Variants in RAVER2 observed in about 807,000 individuals in gnomAD.
The protein encoded by RAVER2 is ribonucleoprotein, PTB binding 2.
Under a neutral mutation model 78.1 loss-of-function variants are expected in RAVER2, and 46 were observed. That is an observed-to-expected ratio of 0.59 (90% confidence interval 0.46 to 0.75). The LOEUF (loss-of-function observed/expected upper bound fraction) is 0.75. Among genes scored for constraint, RAVER2 ranks in the 30% least tolerant of loss-of-function variants. RAVER2 has a pLI of 0.00. For missense variants in RAVER2, 793 were observed against 837.5 expected, an observed-to-expected ratio of 0.95 and a Z score of 0.66; for synonymous variants, 311 against 313.3, an observed-to-expected ratio of 0.99 and a Z score of 0.08.
chr1:64,814,827 G>A (rs777718258), exon 11 of RAVER2: 2 of 1,576,862 alleles, frequency 1.3e-6, no homozygotes, highest in South Asian at 2.4e-5. Flanking sequence ...CCACCTTTTG[G>A]TGATTATGCA....
intron 4 of RAVER2, among the ~76,000 whole-genome samples, chr1:64,788,954 C>T (rs1023845859): frequency 3.9e-5 from 6 of 152,186 alleles, no homozygotes; most frequent in Non-Finnish European, 8.8e-5. Context: ...AGTGATCCTC[C>T]TGCCTCAGCC....
chr1:64,759,091 T>C (rs1651937083), intron 1 of RAVER2, among the ~76,000 whole-genome samples: 1 of 151,896 alleles, frequency 6.6e-6, no homozygotes. Flanking sequence ...TGTTAATTAA[T>C]TTGAGCTATG....
intron 11 of RAVER2, among the ~76,000 whole-genome samples, chr1:64,819,684 C>T (rs1348213148): frequency 6.6e-6 from 1 of 152,186 alleles, no homozygotes; most frequent in African/African-American, 2.4e-5. Context: ...TACCTAGGCA[C>T]ATTATAATTA....
At chr1:64,770,440 A>C (rs1427258458) in intron 2 of RAVER2, among the ~76,000 whole-genome samples, 1 of 152,038 alleles carries the variant, frequency 6.6e-6, no homozygotes, top group African/African-American at 2.4e-5. Flanking sequence ...AGAACGGATC[A>C]AAGTGCTTCC....
intron 1 of RAVER2, among the ~76,000 whole-genome samples, chr1:64,764,867 A>G (rs2100818726): frequency 6.6e-6 from 1 of 152,336 alleles, no homozygotes; most frequent in South Asian, 2.1e-4. Flanking sequence ...CCCCAACATT[A>G]TATAAGATAA....
chr1:64,805,249 T>A, intron 8 of RAVER2, 144 bp downstream of exon 8: 1 of 701,288 alleles, frequency 1.4e-6, no homozygotes, highest in Non-Finnish European at 2.3e-6. Flanking sequence ...CCCTCTTGGC[T>A]TTTCGATTTT....
rs558688878 is a variant in RAVER2, at chr1:64,826,666, T to G, written c.1930-4173T>G. 3.4e-4 allele frequency among the ~76,000 whole-genome samples: 52 copies of G among 152,160 alleles called. 1 individual carries two copies. In the Middle Eastern group the frequency reaches 0.017, roughly 50 times the overall value. On this transcript the variant is annotated intron_variant, in intron 11 of 11. Transcript: ENST00000294428. ...TAGAAAGCCACTGGGATGCTTTGAG[T>G]AGAGGGATAATTGACTGTATTTATA...
At chr1:64,826,193 A>AG (rs1653999653) in intron 11 of RAVER2, among the ~76,000 whole-genome samples, 1 of 152,272 alleles carries the variant, frequency 6.6e-6, no homozygotes, top group African/African-American at 2.4e-5. Flanking sequence ...TCTAGGCACT[A>AG]GGGATATGGC....
At chr1:64,799,046 A>G (rs962736888) in intron 5 of RAVER2, among the ~76,000 whole-genome samples, 3 of 152,176 alleles carry the variant, frequency 2.0e-5, no homozygotes, top group Non-Finnish European at 4.4e-5. Context: ...CTATCTAGCT[A>G]TAGTTTTGTA....
intron 4 of RAVER2, among the ~76,000 whole-genome samples, chr1:64,782,839 G>A (rs574638471): frequency 3.9e-5 from 6 of 152,192 alleles, no homozygotes; most frequent in East Asian, 3.9e-4. Flanking sequence ...CCATCAACTC[G>A]TCATTACACT....
intron 4 of RAVER2, 55 bp downstream of exon 4, chr1:64,781,626 A>G (rs1652631641): frequency 6.6e-7 from 1 of 1,509,490 alleles, no homozygotes; most frequent in South Asian, 1.3e-5. Flanking sequence ...TTCTAATACT[A>G]TTTTAATCTA....
At chr1:64,830,073 A>G (rs527979410) in intron 11 of RAVER2, among the ~76,000 whole-genome samples, 5 of 152,314 alleles carry the variant, frequency 3.3e-5, no homozygotes, top group African/African-American at 1.2e-4. Context: ...TTTACTCATC[A>G]GTCATTTCTA....
intron 2 of RAVER2, among the ~76,000 whole-genome samples, chr1:64,772,540 A>T (rs1209279403): frequency 6.6e-6 from 1 of 152,142 alleles, no homozygotes. Context: ...GATCTATGCA[A>T]TAATCCGAGC....
chr1:64,749,534 A>G (rs1570520225), intron 1 of RAVER2, among the ~76,000 whole-genome samples: 2 of 152,180 alleles, frequency 1.3e-5, no homozygotes, highest in South Asian at 4.1e-4. Context: ...ATTCTATTCC[A>G]CATTTATCAA....
At chr1:64,798,795 AT>A (rs1468130176) in intron 5 of RAVER2, among the ~76,000 whole-genome samples, 1 of 152,110 alleles carries the variant, frequency 6.6e-6, no homozygotes, top group Non-Finnish European at 1.5e-5. Context: ...CATTAAGAAA[AT>A]TTTTAATTGA....
At chr1:64,832,978 A>AAAAC (rs147707540) in exon 12 of RAVER2, 223 of 166,024 alleles carry the variant, frequency 1.3e-3, no homozygotes, top group South Asian at 3.0e-3. Context: ...TGAAGGAACT[A>AAAAC]AAACAAACAA....
At chr1:64,752,844 C>T (rs1651737595) in intron 1 of RAVER2, among the ~76,000 whole-genome samples, 1 of 152,188 alleles carries the variant, frequency 6.6e-6, no homozygotes, top group Non-Finnish European at 1.5e-5. Flanking sequence ...CTCTTTCTCT[C>T]TGCTGGATAT....
At chr1:64,788,429 G>GCCA (rs1479768023) in intron 4 of RAVER2, among the ~76,000 whole-genome samples, 3 of 151,878 alleles carry the variant, frequency 2.0e-5, no homozygotes, top group Admixed American at 6.6e-5. Context: ...CCGAGATCGC[G>GCCA]CCACTGCACT....
chr1:64,833,090 G>GGTGT (rs1199321032), exon 12 of RAVER2: 3 of 165,884 alleles, frequency 1.8e-5, no homozygotes, highest in Non-Finnish European at 3.8e-5. Context: ...CAAATCAAGT[G>GGTGT]GTGTTTGTTT....
Sources: allele counts gnomAD v4.1 joint callset (sites outside exome capture counted in the v4.1 genomes callset), GRCh38; gene constraint gnomAD v4.1.1; transcripts MANE v1.5; gene names NCBI Gene and HGNC (gene_info 2026-07-23, HGNC 2026-07-21).